The following CFLAR variants were observed in gnomAD, a reference collection of about 807,000 sequenced individuals.
The protein encoded by CFLAR is CASP8 and FADD-like apoptosis regulator.
A neutral mutation model predicts 51.1 loss-of-function variants in CFLAR; 14 were observed. The observed-to-expected ratio is 0.27, with a 90% CI of 0.18 to 0.43. CFLAR has a LOEUF of 0.43. Among genes scored for constraint, CFLAR ranks in the 20% least tolerant of loss-of-function variants. The pLI, the probability that CFLAR is intolerant of heterozygous loss-of-function variation, is 1.00. For missense variants in CFLAR, 390 were observed against 566.5 expected, an observed-to-expected ratio of 0.69 and a Z score of 3.16; for synonymous variants, 210 against 211.6, an observed-to-expected ratio of 0.99 and a Z score of 0.06.
Position 201,164,233 on chromosome 2 carries a change from G to C in CFLAR, c.*260G>C, listed in dbSNP as rs994358774. On this transcript the variant is annotated 3_prime_UTR_variant, in exon 10 of 10. Coordinates refer to ENST00000309955, the MANE Select transcript of CFLAR (RefSeq NM_003879.7). The stretch of plus-strand genomic sequence containing the variant: ...CATGCTGTGATTGTGCCTACGAATA[G>C]CCACTGCATACCAACCTGGGCAATA... The C allele has an allele frequency of 2.3e-5, 6 of 261,220 alleles. No homozygotes were observed. Among genetic ancestry groups the C allele is most frequent in the African/African-American group, 1.4e-4 (6 of 44,176 alleles). The allele number at this position is 261,220 out of a possible 1,614,324, so 16.2% of individuals were successfully genotyped here. A position where few individuals can be genotyped will look rare whatever the true frequency, so the allele number is the denominator to read the frequency against.
At chr2:201,154,793 G>C (rs547663564) in intron 8 of CFLAR, among the ~76,000 whole-genome samples, 56 of 152,312 alleles carry the variant, frequency 3.7e-4, no homozygotes, top group Non-Finnish European at 6.0e-4. Context: ...TTATTTCTTT[G>C]TTTGTCCAGT....
chr2:201,136,029 C>T lies in CFLAR; in HGVS notation c.445C>T (p.Leu149=). ...ACTAAATCTGGTTGCCCCAGATCAA[C>T]TGGATTTATTAGAAAAATGCCTAAA... ...EKLNLVAPDQ[L]DLLEKCLKNI... Residue 149 remains leucine (L), a synonymous_variant, in exon 4 of 10, where the codon CTG becomes TTG. Coordinates refer to ENST00000309955, the MANE Select transcript of CFLAR (RefSeq NM_003879.7). The T allele has an allele frequency of 6.2e-7, 1 of 1,614,024 alleles. No homozygotes were observed. Among genetic ancestry groups the T allele is most frequent in the Non-Finnish European group, 8.5e-7 (1 of 1,180,014 alleles).
chr2:201,159,223 C>G (rs1942698039), intron 8 of CFLAR, among the ~76,000 whole-genome samples: 1 of 151,862 alleles, frequency 6.6e-6, no homozygotes, highest in Admixed American at 6.6e-5. Context: ...AATCATGTCT[C>G]CTATTTCCTT....
intron 1 of CFLAR, among the ~76,000 whole-genome samples, chr2:201,128,336 A>T (rs75210331): frequency 0.03 from 4,563 of 152,100 alleles, 245 homozygotes; most frequent in African/African-American, 0.1. Flanking sequence ...TCTTTCTGAT[A>T]AAAAAAAGTA....
At chr2:201,144,177 C>T (rs1426723710) in intron 5 of CFLAR, 2 of 152,184 alleles carry the variant, frequency 1.3e-5, no homozygotes, top group Admixed American at 6.5e-5. Flanking sequence ...ACTGACACAG[C>T]TTAACAGATA....
intron 6 of CFLAR, 121 bp downstream of exon 6, chr2:201,145,553 A>G: frequency 1.4e-6 from 1 of 696,722 alleles, no homozygotes; most frequent in East Asian, 2.6e-5. Context: ...CTCTCAAAAT[A>G]AAAACTGGTT....
At position 201,145,410 on chromosome 2, in the gene CFLAR, T is replaced by G. The variant is rs3769829; in HGVS notation, c.639T>G (p.Leu213=). The G allele has an allele frequency of 1.3e-3, 2,048 of 1,607,956 alleles. 97 individuals carry two copies. In the East Asian group the frequency reaches 0.045, roughly 36 times the overall value. Residue 213 remains leucine (L), a synonymous_variant, in exon 6 of 10, where the codon CTT becomes CTG. Coordinates refer to ENST00000309955, the MANE Select transcript of CFLAR (RefSeq NM_003879.7). The part of the protein sequence containing the change: ...LHNGRSKEQR[L]KEQLGAQQEP... ...ATGGGAGAAGTAAAGAACAAAGACT[T>G]AAGGAACAGCTTGGCGCTCAACGTA...
At chr2:201,159,633 T>C (rs1942770904) in intron 8 of CFLAR, among the ~76,000 whole-genome samples, 1 of 152,206 alleles carries the variant, frequency 6.6e-6, no homozygotes, top group African/African-American at 2.4e-5. Flanking sequence ...AATCCTTAGT[T>C]GTGGGCCAAG....
chr2:201,156,732 C>T (rs373228016), intron 8 of CFLAR, among the ~76,000 whole-genome samples: 2 of 151,908 alleles, frequency 1.3e-5, no homozygotes, highest in Non-Finnish European at 2.9e-5. Context: ...CCCACCCCCC[C>T]ACATCATTTC....
chr2:201,137,368 C>T (rs1398369075), intron 4 of CFLAR: 22 of 368,592 alleles, frequency 6.0e-5, no homozygotes, highest in South Asian at 4.5e-4. Context: ...GCTGCAGACC[C>T]CTCAGAGCCT....
intron 4 of CFLAR, chr2:201,136,508 T>C: frequency 6.4e-7 from 1 of 1,564,636 alleles, no homozygotes; most frequent in South Asian, 1.1e-5. Flanking sequence ...CATACCTTCC[T>C]TGCATGTGTC....
rs2050447216 is a variant in CFLAR at position 201,138,427 on chromosome 2, G to A, written c.524-1930G>A. 1.5e-5 allele frequency: 12 copies of A among 807,366 alleles called. No homozygotes were observed. The highest frequency in any genetic ancestry group is 4.8e-5 in the East Asian group (2 of 41,318). The allele number at this position is 807,366 out of a possible 1,614,324, so 50.0% of individuals were successfully genotyped here. A position where few individuals can be genotyped will look rare whatever the true frequency, so the allele number is the denominator to read the frequency against. ...CCACCAGCTCATCGCGATCATTGAC[G>A]ATAGGCAGCTTCCTTTCTTACTAAG... On this transcript the variant is annotated intron_variant, in intron 4 of 9. Coordinates refer to ENST00000309955, the MANE Select transcript of CFLAR (RefSeq NM_003879.7). The surrounding 1 kb of genome is among the most constrained non-coding windows in gnomAD (Gnocchi z 4.0).
intron 5 of CFLAR, chr2:201,141,331 A>G (rs1465648366): frequency 6.5e-7 from 1 of 1,543,388 alleles, no homozygotes; most frequent in East Asian, 2.4e-5. Flanking sequence ...ATCCAGAGAT[A>G]GTCTACACAT....
rs760741389 is a variant in CFLAR at position 201,158,849 on chromosome 2, CATCATTATTATT to C, written c.794-1580_794-1569del. 8.3e-3 allele frequency among the ~76,000 whole-genome samples: 1,186 copies of C among 143,742 alleles called. 30 individuals carry two copies. The highest frequency in any genetic ancestry group is 0.027 in the African/African-American group (1,075 of 39,232). 94.3% of individuals were successfully genotyped at this position (143,742 alleles called of 152,430 possible). On this transcript the variant is annotated intron_variant, in intron 8 of 9. Coordinates refer to ENST00000309955, the MANE Select transcript of CFLAR (RefSeq NM_003879.7). ...GAGATCCTGTAACGGCATTTGCCCT[CATCATTATTATT>C]ATTATTATTATTATTATTATTATTA...
chr2:201,124,048 T>C lies in CFLAR; in HGVS notation c.-137-5681T>C, dbSNP rs2125618028. On this transcript the variant is annotated intron_variant, in intron 1 of 9. Coordinates refer to ENST00000309955, the MANE Select transcript of CFLAR (RefSeq NM_003879.7). This position sits in a 1 kb window ranked among gnomAD's most constrained non-coding sequence, Gnocchi z 4.7. ...ACGCTGTGGCTCACTGGACATGACA[T>C]TGCTTTCATGCCATACGATGACCTT... Among the ~76,000 whole-genome samples, 1 of 152,300 alleles carries C rather than the reference T, an allele frequency of 6.6e-6. No homozygotes were observed. Among genetic ancestry groups the C allele is most frequent in the South Asian group, 2.1e-4 (1 of 4,828 alleles).
intron 5 of CFLAR, chr2:201,140,655 A>C (rs1455827891): frequency 2.1e-6 from 1 of 479,148 alleles, no homozygotes; most frequent in Non-Finnish European, 3.7e-6. Context: ...AAAAGAAAAT[A>C]AATCACCTAT....
At chr2:201,149,719 C>G in intron 7 of CFLAR, 35 bp from the exon 8 acceptor site, 1 of 1,517,948 alleles carries the variant, frequency 6.6e-7, no homozygotes. Flanking sequence ...AGAGCAATAT[C>G]CAGAGTCTTT....
intron 3 of CFLAR, among the ~76,000 whole-genome samples, chr2:201,133,733 A>C (rs1312178709): frequency 1.3e-5 from 2 of 151,956 alleles, no homozygotes; most frequent in Non-Finnish European, 2.9e-5. Context: ...GATCGAGACC[A>C]ACCTGGCTAA....
At chr2:201,123,005 G>A (rs755522646) in intron 1 of CFLAR, among the ~76,000 whole-genome samples, 2 of 152,140 alleles carry the variant, frequency 1.3e-5, no homozygotes, top group East Asian at 3.9e-4. Flanking sequence ...TAGTTACAGT[G>A]GGCAATCCGT....
Sources: gnomAD v4.1 joint callset for allele counts (sites outside exome capture counted in the v4.1 genomes callset) on GRCh38, gnomAD v4.1.1 for gene constraint, Gnocchi (gnomAD v3.1) non-coding constraint, MANE v1.5 for transcripts, NCBI Gene and HGNC (gene_info 2026-07-23, HGNC 2026-07-21) for gene names.